The following MMP9 variants were observed in gnomAD, a reference collection of about 807,000 sequenced individuals.
MMP9 encodes the protein matrix metallopeptidase 9.
A neutral mutation model predicts 76.4 loss-of-function variants in MMP9; 73 were observed. The observed-to-expected ratio is 0.96, with a 90% CI of 0.79 to 1.16. The LOEUF (loss-of-function observed/expected upper bound fraction) is 1.16, where lower values mean the gene tolerates loss of function less well. MMP9 is among the 50% of genes most tolerant of loss of function. The probability of loss-of-function intolerance (pLI) is 0.00; values close to 1 mark genes in which losing one functional copy is unlikely to be tolerated. For synonymous variants in MMP9, 412 were observed against 408.4 expected (o/e 1.01, Z -0.11); for missense variants, 943 against 973.0 (o/e 0.97, Z 0.41).
chr20:46,016,040 T>C (rs1435097533), intron 12 of MMP9, among the ~76,000 whole-genome samples: 1 of 152,258 alleles, frequency 6.6e-6, no homozygotes, highest in African/African-American at 2.4e-5. Flanking sequence ...TGCTAGGCTC[T>C]GTGGCAGTGC....
rs142807270 is a variant in MMP9 at position 46,009,055 on chromosome 20, G to T, written c.129G>T (p.Gln43His). The change falls in exon 1 of 13, where the codon CAG (glutamine) becomes CAT (histidine). Residue 43 changes from glutamine to histidine, a missense_variant. By Grantham distance (24) the Gln-to-His change is conservative. Coordinates refer to ENST00000372330, the MANE Select transcript of MMP9 (RefSeq NM_004994.3). The stretch of plus-strand genomic sequence containing the variant: ...TGAGAACCAATCTCACCGACAGGCA[G>T]CTGGCAGAGGTGGGCAAACACCTAG... ...GDLRTNLTDR[Q>H]LAEEYLYRYG... is the part of the protein sequence containing the mutation. 7 of 1,613,742 alleles carry T rather than the reference G, an allele frequency of 4.3e-6. No homozygotes were observed. The highest frequency in any genetic ancestry group is 5.9e-6 in the Non-Finnish European group (7 of 1,179,844).
At position 46,011,126 on chromosome 20, in the gene MMP9, C is replaced by T. The variant is rs774252805; in HGVS notation, c.650-17C>T. ...CATCACCCGCCGCCCTAACTCCGGT[C>T]CCCCCTCCTCCTGCAGTGGTTCCAA... On this transcript the variant is annotated splice_polypyrimidine_tract_variant and intron_variant, in intron 4 of 12. Coordinates refer to ENST00000372330, the MANE Select transcript of MMP9 (RefSeq NM_004994.3). 1.3e-5 allele frequency: 21 copies of T among 1,613,826 alleles called. No homozygotes were observed. The African/African-American group carries it at 1.9e-4, about 14-fold the overall frequency.
At position 46,014,209 on chromosome 20, in the gene MMP9, G is replaced by C; in HGVS notation, c.1836G>C (p.Gln612His). ...DKLGLGADVAQVTGALRSGRG... is the reference protein window; with the variant it reads ...DKLGLGADVAHVTGALRSGRG... ...TGGGCCTGGGAGCCGACGTGGCCCA[G>C]GTGACCGGGGCCCTCCGGAGTGGCA... is the stretch of plus-strand genomic sequence containing the variant. Residue 612 changes from glutamine to histidine, a missense_variant, in exon 11 of 13, where the codon CAG becomes CAC. Coordinates refer to ENST00000372330, the MANE Select transcript of MMP9 (RefSeq NM_004994.3). 4.6e-6 allele frequency: 7 copies of C among 1,538,390 alleles called. No individual in the cohort carries two copies. The highest frequency in any genetic ancestry group is 6.1e-6 in the Non-Finnish European group (7 of 1,144,466).
At position 46,011,324 on chromosome 20, in the gene MMP9, AGG is replaced by A; in HGVS notation, c.823+12_823+13del. The A allele has an allele frequency of 6.3e-7, 1 of 1,599,644 alleles. No homozygotes were observed. The highest frequency in any genetic ancestry group is 8.5e-7 in the Non-Finnish European group (1 of 1,176,522). On this transcript the variant is annotated intron_variant, in intron 5 of 12. Transcript: ENST00000372330. ...GCTTCTGCCCCAGCGAGAGTGAGTG[AGG>A]GGGCTCGCCGAGGGCTGGGGGCGCC...
In MMP9 at chr20:46,013,703, C is replaced by T; in HGVS notation, c.1657C>T (p.Pro553Ser). The T allele has an allele frequency of 6.2e-7, 1 of 1,613,834 alleles. No individual in the cohort carries two copies. Among genetic ancestry groups the T allele is most frequent in the East Asian group, 2.2e-5 (1 of 44,828 alleles). Residue 553 changes from proline to serine, a missense_variant, in exon 10 of 13, where the codon CCC (proline) becomes TCC (serine). By Grantham distance (74) the Pro-to-Ser change is moderately conservative (BLOSUM62 -1). Coordinates refer to ENST00000372330, the MANE Select transcript of MMP9 (RefSeq NM_004994.3). This position sits in a 1 kb window ranked among gnomAD's most constrained non-coding sequence, Gnocchi z 4.5. ...GGGCAGGGGGAGCCGGCCGCAGGGC[C>T]CCTTCCTTATCGCCGACAAGTGGCC... is the stretch of plus-strand genomic sequence containing the variant. ...SEGRGSRPQG[P>S]FLIADKWPAL...
chr20:46,015,446 CTT>C (rs1228596175), intron 12 of MMP9, among the ~76,000 whole-genome samples: 136 of 134,782 alleles, frequency 1.0e-3, no homozygotes, highest in African/African-American at 3.5e-3. Context: ...CTTTTTTTTT[CTT>C]TTTTCTTTTT....
At chr20:46,011,500 G>C in intron 5 of MMP9, 74 bp from the exon 6 acceptor site, 1 of 1,598,124 alleles carries the variant, frequency 6.3e-7, no homozygotes, top group Non-Finnish European at 8.6e-7. Flanking sequence ...ATGGGTCAAA[G>C]AACAGGACAC....
At chr20:46,009,676 T>C (rs1321041593) in intron 1 of MMP9, among the ~76,000 whole-genome samples, 190 bp from the exon 2 acceptor site, 1 of 151,940 alleles carries the variant, frequency 6.6e-6, no homozygotes, top group Non-Finnish European at 1.5e-5. Flanking sequence ...TAGTTCCAGC[T>C]ATGCAGAAGG....
chr20:46,012,441 C>G lies in MMP9; in HGVS notation c.1189C>G (p.Leu397Val). 1 of 1,614,158 alleles carries G rather than the reference C, an allele frequency of 6.2e-7. No homozygotes were observed. Among genetic ancestry groups the G allele is most frequent in the South Asian group, 1.1e-5 (1 of 91,092 alleles). The change falls in exon 8 of 13, where the codon CTC (leucine) becomes GTC (valine). Residue 397 changes from leucine to valine, a missense_variant. Physicochemically the swap from Leu to Val is conservative, Grantham distance 32. Transcript: ENST00000372330. Reference sequence around the variant, plus strand: ...TCTCCCTCCAGGATACAGTTTGTTCCTCGTGGCGGCGCATGAGTTCGGCCA... The same window carrying G: ...TCTCCCTCCAGGATACAGTTTGTTCGTCGTGGCGGCGCATGAGTTCGGCCA... The part of the protein sequence containing the change: ...FCPDQGYSLF[L>V]VAAHEFGHAL...
Position 46,009,877 on chromosome 20 carries a change from C to T in MMP9, c.150C>T (p.Tyr50=), listed in dbSNP as rs1203612981. The change falls in exon 2 of 13, where the codon TAC becomes TAT. Residue 50 remains tyrosine (Y), a synonymous_variant. Coordinates refer to ENST00000372330, the MANE Select transcript of MMP9 (RefSeq NM_004994.3). The part of the protein sequence containing the change: ...TDRQLAEEYL[Y]RYGYTRVAEM... ...CCCTTCATCCACAGGAATACCTGTA[C>T]CGCTATGGTTACACTCGGGTGGCAG... The T allele has an allele frequency of 3.9e-6, 6 of 1,551,896 alleles. No homozygotes were observed. The highest frequency in any genetic ancestry group is 4.4e-6 in the Non-Finnish European group (5 of 1,147,038).
intron 12 of MMP9, 140 bp from the exon 13 acceptor site, chr20:46,016,110 T>A: frequency 4.9e-6 from 4 of 819,062 alleles, no homozygotes; most frequent in East Asian, 5.0e-5. Flanking sequence ...ATCTCACAGG[T>A]TGGGGGGATG....
chr20:46,014,226 G>A lies in MMP9; in HGVS notation c.1853G>A (p.Arg618Gln), dbSNP rs761902475. ...ADVAQVTGAL[R>Q]SGRGKMLLFS... ...GTGGCCCAGGTGACCGGGGCCCTCC[G>A]GAGTGGCAGGGGGAAGATGCTGCTG... The change falls in exon 11 of 13, where the codon CGG becomes CAG. Residue 618 changes from arginine (R) to glutamine (Q), a missense_variant. Transcript: ENST00000372330. 1.3e-6 allele frequency: 2 copies of A among 1,536,314 alleles called. No homozygotes were observed. Among genetic ancestry groups the A allele is most frequent in the African/African-American group, 2.7e-5 (2 of 72,856 alleles).
At position 46,011,883 on chromosome 20, in the gene MMP9, A is replaced by G. The variant is rs554025724; in HGVS notation, c.997+136A>G. On this transcript the variant is annotated intron_variant, in intron 6 of 12. Transcript: ENST00000372330. ...AGGACGACCGTGACTCCGCCCACCT[A>G]CACCACATTTCCACCACTATCCCTG... 4.4e-4 allele frequency: 505 copies of G among 1,157,370 alleles called. 10 individuals carry two copies. In the South Asian group the frequency reaches 6.4e-3, roughly 15 times the overall value. 71.7% of individuals were successfully genotyped at this position (1,157,370 alleles called of 1,614,324 possible).
chr20:46,011,345 G>A, intron 5 of MMP9, 29 bp downstream of exon 5: 1 of 1,595,748 alleles, frequency 6.3e-7, no homozygotes, highest in East Asian at 2.2e-5. Context: ...CGAGGGCTGG[G>A]GGCGCCCACC....
intron 11 of MMP9, 30 bp downstream of exon 11, chr20:46,014,304 G>C: frequency 6.5e-7 from 1 of 1,535,376 alleles, no homozygotes; most frequent in Non-Finnish European, 8.7e-7. Flanking sequence ...CCGGCAGGGG[G>C]AGCCCGGGCG....
chr20:46,012,664 G>A lies in MMP9; in HGVS notation c.1330+82G>A, dbSNP rs1033729666. On this transcript the variant is annotated intron_variant, in intron 8 of 12. Transcript: ENST00000372330. ...ACCAAAGAATTGGGGGTTGGGGATC[G>A]GGGGAGGAACGGGGCGTGCAGGAGA... 52 of 1,560,420 alleles carry A rather than the reference G, an allele frequency of 3.3e-5. No homozygotes were observed. In the Middle Eastern group the frequency reaches 7.0e-4, roughly 21 times the overall value.
chr20:46,012,091 A>C, intron 6 of MMP9, 46 bp from the exon 7 acceptor site: 1 of 1,606,440 alleles, frequency 6.2e-7, no homozygotes, highest in Non-Finnish European at 8.5e-7. Flanking sequence ...CTGACTCCTT[A>C]TTGGACTCAT....
intron 12 of MMP9, among the ~76,000 whole-genome samples, chr20:46,015,899 A>T (rs2084318253): frequency 6.6e-6 from 1 of 152,268 alleles, no homozygotes; most frequent in Non-Finnish European, 1.5e-5. Flanking sequence ...CACATAGTAG[A>T]TGCTCAGTAA....
At chr20:46,011,823 C>T (rs887588742) in intron 6 of MMP9, 76 bp downstream of exon 6, 3 of 1,513,974 alleles carry the variant, frequency 2.0e-6, no homozygotes, top group African/African-American at 2.8e-5. Flanking sequence ...GCTCTTCCCT[C>T]CCATCAGTTT....
Sources: gnomAD v4.1 joint callset for allele counts (sites outside exome capture counted in the v4.1 genomes callset) on GRCh38, gnomAD v4.1.1 for gene constraint, Gnocchi (gnomAD v3.1) non-coding constraint, MANE v1.5 for transcripts, NCBI Gene and HGNC (gene_info 2026-07-23, HGNC 2026-07-21) for gene names.